Variants in C8A observed in about 807,000 individuals in gnomAD.
C8A encodes the protein complement C8 alpha chain.
C8A carries 67 observed loss-of-function variants against 65.3 expected under a neutral mutation model. The observed-to-expected ratio is 1.03, with a 90% CI of 0.84 to 1.26. The LOEUF (loss-of-function observed/expected upper bound fraction) is 1.26, where lower values mean the gene tolerates loss of function less well. Ranked by LOEUF, C8A falls within the 50% of genes most tolerant of loss-of-function variation. The pLI is 0.00. For synonymous variants in C8A, 290 were observed against 259.4 expected (o/e 1.12, Z -1.13); for missense variants, 781 against 723.9 (o/e 1.08, Z -0.90).
chr1:56,901,632 C>G (rs56693051), intron 7 of C8A, among the ~76,000 whole-genome samples: 1 of 152,192 alleles, frequency 6.6e-6, no homozygotes, highest in Non-Finnish European at 1.5e-5. Flanking sequence ...GGGACCTCAA[C>G]TGATTTGCAT....
chr1:56,903,596 C>T (rs1644442525), intron 7 of C8A, among the ~76,000 whole-genome samples: 1 of 152,146 alleles, frequency 6.6e-6, no homozygotes, highest in Admixed American at 6.5e-5. Flanking sequence ...TTGGCTTCTT[C>T]TAGTTCTTAT....
chr1:56,880,307 A>G (rs1448189090), intron 4 of C8A, among the ~76,000 whole-genome samples: 5 of 152,166 alleles, frequency 3.3e-5, no homozygotes, highest in African/African-American at 1.2e-4. Flanking sequence ...TCTAGAAAGG[A>G]AAGTATAGAG....
At chr1:56,916,167 C>T (rs1046946352) in intron 10 of C8A, among the ~76,000 whole-genome samples, 36 of 152,272 alleles carry the variant, frequency 2.4e-4, no homozygotes, top group African/African-American at 5.8e-4. Context: ...GTGGGCATTA[C>T]GTAATGATCT....
chr1:56,890,071 T>C (rs1046513066), intron 7 of C8A, among the ~76,000 whole-genome samples: 1 of 152,162 alleles, frequency 6.6e-6, no homozygotes, highest in Admixed American at 6.6e-5. Context: ...AGAGAAATAA[T>C]GTATTTCGCA....
Position 56,881,643 on chromosome 1 carries a change from G to T in C8A, c.654+9G>T. ...TGAAGTACCACTTTGAAGTAAGTCT[G>T]AACAGAGGGGCTCTGAGGCCACTGT... On this transcript the variant is annotated intron_variant, in intron 5 of 10. Transcript: ENST00000361249. 6.2e-7 allele frequency: 1 copy of T among 1,611,996 alleles called. No individual in the cohort carries two copies. Among genetic ancestry groups the T allele is most frequent in the South Asian group, 1.1e-5 (1 of 90,986 alleles).
chr1:56,912,594 G>A lies in C8A; in HGVS notation c.1572G>A (p.Leu524=). The A allele has an allele frequency of 5.0e-6, 8 of 1,614,180 alleles. No homozygotes were observed. The highest frequency in any genetic ancestry group is 6.8e-6 in the Non-Finnish European group (8 of 1,180,038). ...SCRCQCRLGS[L]GAACEQTQTE... is the part of the protein sequence containing the mutation. Reference sequence around the variant, plus strand: ...GGTGCCAGTGCCGCCTGGGTAGCTTGGGTGCTGCCTGTGAGCAAACACAGA... The same window carrying A: ...GGTGCCAGTGCCGCCTGGGTAGCTTAGGTGCTGCCTGTGAGCAAACACAGA... The change falls in exon 10 of 11, where the codon TTG becomes TTA. Residue 524 remains leucine, a synonymous_variant. Coordinates refer to ENST00000361249, the MANE Select transcript of C8A (RefSeq NM_000562.3).
At chr1:56,874,812 C>T (rs889006861) in intron 2 of C8A, 137 bp from the exon 3 acceptor site, 13 of 983,944 alleles carry the variant, frequency 1.3e-5, no homozygotes, top group Non-Finnish European at 2.0e-5. Context: ...ATATTCATCC[C>T]TCAAAAGACA....
At chr1:56,898,969 G>T (rs1557711726) in intron 7 of C8A, among the ~76,000 whole-genome samples, 1 of 152,130 alleles carries the variant, frequency 6.6e-6, no homozygotes, top group Non-Finnish European at 1.5e-5. Flanking sequence ...AGCCCAGCAG[G>T]TCTTTTTATT....
intron 3 of C8A, 94 bp from the exon 4 acceptor site, chr1:56,875,968 G>T (rs965860649): frequency 6.7e-7 from 1 of 1,493,882 alleles, no homozygotes. Context: ...CAGATGGGAG[G>T]TTTATTTCTG....
intron 1 of C8A, 47 bp downstream of exon 1, chr1:56,855,025 T>C: frequency 2.8e-6 from 4 of 1,403,742 alleles, no homozygotes; most frequent in Non-Finnish European, 4.0e-6. Flanking sequence ...AGGAATCACC[T>C]GCTGGGGAAC....
chr1:56,914,024 C>T lies in C8A; in HGVS notation c.1603+1399C>T, dbSNP rs897728782. ...TTTTGTTCTTGGTGCCACACCTCAC[C>T]GGATACTGACAAAGCAAAGCAGGCA... On this transcript the variant is annotated intron_variant, in intron 10 of 10. Coordinates refer to ENST00000361249, the MANE Select transcript of C8A (RefSeq NM_000562.3). Among the ~76,000 whole-genome samples the T allele has an allele frequency of 9.9e-5, 15 of 152,224 alleles. No individual in the cohort carries two copies. The East Asian group carries it at 1.4e-3, about 14-fold the overall frequency.
At chr1:56,864,361 C>T (rs547056905) in intron 1 of C8A, among the ~76,000 whole-genome samples, 1 of 151,942 alleles carries the variant, frequency 6.6e-6, no homozygotes, top group Non-Finnish European at 1.5e-5. Context: ...GGAATCAAAA[C>T]TGGTTATAAA....
chr1:56,909,180 T>G (rs1259021535), intron 9 of C8A, among the ~76,000 whole-genome samples: 1 of 152,238 alleles, frequency 6.6e-6, no homozygotes, highest in Admixed American at 6.5e-5. Context: ...GTTGCCAAAC[T>G]ATTTCTGTCC....
chr1:56,882,485 C>T (rs1490843948), intron 5 of C8A, among the ~76,000 whole-genome samples: 3 of 152,092 alleles, frequency 2.0e-5, no homozygotes, highest in African/African-American at 4.8e-5. Flanking sequence ...AAGACCCAAA[C>T]CTAGATCTGT....
chr1:56,882,558 G>T (rs1644256305), intron 5 of C8A, among the ~76,000 whole-genome samples: 2 of 152,130 alleles, frequency 1.3e-5, no homozygotes, highest in Admixed American at 6.6e-5. Flanking sequence ...TTTCTAGAGA[G>T]AGATAGTAGG....
rs768265596 is a variant in C8A at position 56,907,953 on chromosome 1, C to A, written c.1223-3C>A. On this transcript the variant is annotated splice_polypyrimidine_tract_variant and splice_region_variant and intron_variant, in intron 8 of 10. Transcript: ENST00000361249. Reference sequence around the variant, plus strand: ...TTAATGCAGTTTATCCTCTTGATGGCAGAAAGGGCCAGGAAGGCCATGGCT... The same window carrying A: ...TTAATGCAGTTTATCCTCTTGATGGAAGAAAGGGCCAGGAAGGCCATGGCT... 3.7e-6 allele frequency: 6 copies of A among 1,614,078 alleles called. No individual in the cohort carries two copies. Among genetic ancestry groups the A allele is most frequent in the Admixed American group, 1.7e-5 (1 of 60,008 alleles).
At chr1:56,881,165 C>T (rs1424436056) in intron 4 of C8A, among the ~76,000 whole-genome samples, 2 of 152,180 alleles carry the variant, frequency 1.3e-5, no homozygotes, top group African/African-American at 4.8e-5. Flanking sequence ...CTCCACAGAA[C>T]ATAGATTGAG....
rs746296341 is a variant in C8A, at chr1:56,908,086, G to T, written c.1353G>T (p.Lys451Asn). ...ACCGTTCCTGGGGGAGGTCATTAAA[G>T]TATAATCCTGTTGTTATCGATTTTG... Reference protein sequence around the residue: ...ITYRSWGRSLKYNPVVIDFEM... With the variant: ...ITYRSWGRSLNYNPVVIDFEM... The change falls in exon 9 of 11, where the codon AAG becomes AAT. Residue 451 changes from lysine to asparagine, a missense_variant. Coordinates refer to ENST00000361249, the MANE Select transcript of C8A (RefSeq NM_000562.3). 6.2e-7 allele frequency: 1 copy of T among 1,614,180 alleles called. No homozygotes were observed. The highest frequency in any genetic ancestry group is 2.2e-5 in the East Asian group (1 of 44,878).
intron 3 of C8A, 135 bp downstream of exon 3, chr1:56,875,228 G>A (rs543911059): frequency 1.6e-5 from 16 of 991,720 alleles, no homozygotes; most frequent in Non-Finnish European, 2.0e-5. Flanking sequence ...TTTGGGATGG[G>A]TCCTAGGAAT....
Sources: gnomAD v4.1 joint callset for allele counts (sites outside exome capture counted in the v4.1 genomes callset) on GRCh38, gnomAD v4.1.1 for gene constraint, MANE v1.5 for transcripts, NCBI Gene and HGNC (gene_info 2026-07-23, HGNC 2026-07-21) for gene names.